The following SENP7 variants were observed in gnomAD, a reference collection of about 807,000 sequenced individuals.
SENP7 encodes the protein SUMO specific peptidase 7.
Under a neutral mutation model 141.2 loss-of-function variants are expected in SENP7, and 64 were observed. The observed-to-expected ratio is 0.45, with a 90% CI of 0.37 to 0.56. SENP7 has a LOEUF of 0.56. Ranked by LOEUF, SENP7 falls within the 20% of genes least tolerant of loss-of-function variation. SENP7 has a pLI of 0.00. For synonymous variants in SENP7, 382 were observed against 426.4 expected, an observed-to-expected ratio of 0.90 and a Z score of 1.28; for missense variants, 1,025 against 1,212.2, an observed-to-expected ratio of 0.85 and a Z score of 2.29.
chr3:101,462,295 A>G (rs1319761094), intron 3 of SENP7, among the ~76,000 whole-genome samples: 6 of 152,190 alleles, frequency 3.9e-5, no homozygotes, highest in Non-Finnish European at 7.3e-5. Context: ...TAATCCCAGC[A>G]CTTGGAGAGG....
chr3:101,340,606 C>A (rs1253010269), intron 15 of SENP7, among the ~76,000 whole-genome samples: 3 of 152,064 alleles, frequency 2.0e-5, no homozygotes, highest in Non-Finnish European at 2.9e-5. Flanking sequence ...AGTTTGAATC[C>A]TCAAGACTAG....
intron 1 of SENP7, among the ~76,000 whole-genome samples, chr3:101,511,812 T>G (rs933122198): frequency 4.0e-5 from 6 of 149,224 alleles, no homozygotes; most frequent in Non-Finnish European, 7.5e-5. Flanking sequence ...GTTTTTTTTG[T>G]TTTTTTTTTG....
intron 6 of SENP7, among the ~76,000 whole-genome samples, chr3:101,396,370 TAAC>T (rs2060968175): frequency 1.3e-5 from 2 of 152,180 alleles, no homozygotes; most frequent in Admixed American, 1.3e-4. Flanking sequence ...TGATTTTTCT[TAAC>T]AACATAAATG....
Position 101,458,935 on chromosome 3 carries a change from C to G in SENP7, c.284+20G>C, listed in dbSNP as rs754359234. On this transcript the variant is annotated intron_variant, in intron 4 of 23. Coordinates refer to ENST00000394095, the MANE Select transcript of SENP7 (RefSeq NM_020654.5). ...TTTATAGGTTAAGCCCATACTATGT[C>G]GCACACACACATATCTTACCTTTCT... The G allele has an allele frequency of 2.1e-6, 3 of 1,428,454 alleles. No individual in the cohort carries two copies. The highest frequency in any genetic ancestry group is 2.9e-6 in the Non-Finnish European group (3 of 1,022,676). 88.5% of individuals were successfully genotyped at this position (1,428,454 alleles called of 1,614,324 possible).
At chr3:101,431,208 G>C (rs1289641153) in intron 4 of SENP7, among the ~76,000 whole-genome samples, 1 of 152,180 alleles carries the variant, frequency 6.6e-6, no homozygotes, top group Non-Finnish European at 1.5e-5. Flanking sequence ...GCTTGGTCCA[G>C]AGCTGAGTTC....
chr3:101,478,997 T>C (rs938457403), intron 3 of SENP7, among the ~76,000 whole-genome samples: 1 of 151,942 alleles, frequency 6.6e-6, no homozygotes, highest in Non-Finnish European at 1.5e-5. Flanking sequence ...GATAAAATAA[T>C]GTCTCACTTT....
At chr3:101,494,561 T>A (rs2065089800) in intron 2 of SENP7, among the ~76,000 whole-genome samples, 1 of 152,030 alleles carries the variant, frequency 6.6e-6, no homozygotes, top group Non-Finnish European at 1.5e-5. Flanking sequence ...TATACAACCA[T>A]CATGCCATAC....
In SENP7 at chr3:101,496,767, G is replaced by A. The variant is rs186773691; in HGVS notation, c.91-2799C>T. 1.0e-4 allele frequency among the ~76,000 whole-genome samples: 15 copies of A among 150,102 alleles called. No homozygotes were observed. The East Asian group carries it at 2.7e-3, about 27-fold the overall frequency. On this transcript the variant is annotated intron_variant, in intron 2 of 23. Coordinates refer to ENST00000394095, the MANE Select transcript of SENP7 (RefSeq NM_020654.5). ...TAATTTTTGTATTTTCAGTAGAGAT[G>A]GGCTTGCACCATCTTGGCCAGGCTG...
chr3:101,431,981 G>T (rs1049737994), intron 4 of SENP7, among the ~76,000 whole-genome samples: 4 of 152,192 alleles, frequency 2.6e-5, no homozygotes, highest in African/African-American at 4.8e-5. Context: ...GCACCAAAGA[G>T]GCTCTTGGGG....
chr3:101,442,520 C>G (rs2062717647), intron 4 of SENP7, among the ~76,000 whole-genome samples: 1 of 152,194 alleles, frequency 6.6e-6, no homozygotes, highest in African/African-American at 2.4e-5. Context: ...CCACCCACCC[C>G]CTGGCTCTGC....
intron 13 of SENP7, among the ~76,000 whole-genome samples, chr3:101,345,747 C>A (rs778869379): frequency 6.6e-6 from 1 of 152,142 alleles, no homozygotes; most frequent in African/African-American, 2.4e-5. Context: ...CCTCATCTCT[C>A]ACCTTATACA....
chr3:101,490,355 TAAA>T (rs2064916121), intron 3 of SENP7, among the ~76,000 whole-genome samples: 1 of 152,086 alleles, frequency 6.6e-6, no homozygotes, highest in Admixed American at 6.6e-5. Context: ...TTATACTGAA[TAAA>T]AAGAAGCCAA....
chr3:101,484,010 G>A (rs7629394), intron 3 of SENP7, among the ~76,000 whole-genome samples: 60,303 of 151,750 alleles, frequency 0.4, 12,491 homozygotes, highest in Admixed American at 0.54. Context: ...CTGGGCAACA[G>A]AGCAAGACTC....
chr3:101,341,422 T>C (rs2059323271), intron 15 of SENP7, among the ~76,000 whole-genome samples: 1 of 152,226 alleles, frequency 6.6e-6, no homozygotes, highest in Admixed American at 6.5e-5. Flanking sequence ...TGACACTTTG[T>C]CTGCCATTTA....
chr3:101,365,906 C>T (rs1044354133), intron 9 of SENP7, among the ~76,000 whole-genome samples: 1 of 152,092 alleles, frequency 6.6e-6, no homozygotes, highest in African/African-American at 2.4e-5. Flanking sequence ...GTGTATTGTG[C>T]CATCACTCTA....
intron 14 of SENP7, 85 bp from the exon 15 acceptor site, chr3:101,341,864 T>C: frequency 7.3e-7 from 1 of 1,375,014 alleles, no homozygotes; most frequent in South Asian, 1.7e-5. Flanking sequence ...TGAGAGAAAA[T>C]GTGACTTTAA....
chr3:101,431,530 T>G (rs1053742450), intron 4 of SENP7, among the ~76,000 whole-genome samples: 58 of 104,572 alleles, frequency 5.5e-4, no homozygotes, highest in African/African-American at 1.7e-3. Flanking sequence ...TTTTTTTTTT[T>G]GCTTTCCATT....
intron 10 of SENP7, among the ~76,000 whole-genome samples, chr3:101,363,621 T>C (rs564228133): frequency 3.9e-4 from 59 of 152,356 alleles, no homozygotes; most frequent in African/African-American, 1.4e-3. Flanking sequence ...TTTAATTATA[T>C]ATACAACTAA....
intron 22 of SENP7, among the ~76,000 whole-genome samples, 198 bp from the exon 23 acceptor site, chr3:101,328,014 A>G (rs545234979): frequency 6.6e-6 from 1 of 152,200 alleles, no homozygotes; most frequent in African/African-American, 2.4e-5. Context: ...TGTGATTTTC[A>G]AAGTAAAAGC....
Sources: allele counts gnomAD v4.1 joint callset (sites outside exome capture counted in the v4.1 genomes callset), GRCh38; gene constraint gnomAD v4.1.1; transcripts MANE v1.5; gene names NCBI Gene and HGNC (gene_info 2026-07-23, HGNC 2026-07-21).